Variants in SLC26A5 observed in about 807,000 individuals in gnomAD.
SLC26A5 encodes prestin.
SLC26A5 carries 51 observed loss-of-function variants against 81.0 expected under a neutral mutation model. The ratio of observed to expected loss-of-function variants is 0.63; its 90% confidence interval spans 0.50 to 0.80. SLC26A5 has a LOEUF of 0.80. SLC26A5 is among the 30% of genes least tolerant of loss of function. The pLI is 0.00. For synonymous variants in SLC26A5, 325 were observed against 332.8 expected, an observed-to-expected ratio of 0.98 and a Z score of 0.25; for missense variants, 771 against 905.8, an observed-to-expected ratio of 0.85 and a Z score of 1.91.
At chr7:103,372,172 TAACTA>T (rs1340734459), downstream of SLC26A5, among the ~76,000 whole-genome samples, 1 of 152,208 alleles carries the variant, frequency 6.6e-6, no homozygotes, top group Non-Finnish European at 1.5e-5. Flanking sequence ...GCAAAGGAAA[TAACTA>T]AGCCAATCTA....
Position 103,433,772 on chromosome 7 carries a change from G to A in SLC26A5, c.-54+9311C>T, listed in dbSNP as rs548108421. ...GGCTGGTGTGCAGTGATGCGATCTGGGCTCACTGCAAGCTCCATCTCCCGG... is the reference window on the plus strand; with the variant it reads ...GGCTGGTGTGCAGTGATGCGATCTGAGCTCACTGCAAGCTCCATCTCCCGG... On this transcript the variant is annotated intron_variant, in intron 2 of 19. Coordinates refer to ENST00000306312, the MANE Select transcript of SLC26A5 (RefSeq NM_198999.3). Among the ~76,000 whole-genome samples, 4 of 148,182 alleles carry A rather than the reference G, an allele frequency of 2.7e-5. No individual in the cohort carries two copies. The South Asian group carries it at 8.6e-4, about 32-fold the overall frequency.
intron 2 of SLC26A5, among the ~76,000 whole-genome samples, chr7:103,430,846 G>A (rs1235939178): frequency 6.6e-6 from 1 of 152,162 alleles, no homozygotes; most frequent in Non-Finnish European, 1.5e-5. Flanking sequence ...TTGCAGCCAT[G>A]GGCTCTTGTT....
intron 2 of SLC26A5, among the ~76,000 whole-genome samples, chr7:103,428,558 CTTTTTTTT>C (rs10592922): frequency 1.7e-5 from 2 of 118,088 alleles, no homozygotes; most frequent in African/African-American, 7.1e-5. Flanking sequence ...CCTGCCAGTA[CTTTTTTTT>C]TTTTTTTTTT....
intron 2 of SLC26A5, among the ~76,000 whole-genome samples, chr7:103,441,016 A>G (rs952247622): frequency 1.3e-5 from 2 of 152,236 alleles, no homozygotes; most frequent in African/African-American, 4.8e-5. Context: ...ATCAAGGGCC[A>G]TAAGCCCACA....
intron 14 of SLC26A5, among the ~76,000 whole-genome samples, chr7:103,385,110 A>G (rs1416684357): frequency 6.6e-6 from 1 of 152,162 alleles, no homozygotes. Context: ...TAACACATGC[A>G]AGTGCCTGAA....
At chr7:103,398,040 C>T (rs1823284986) in intron 8 of SLC26A5, 26 bp from the exon 9 acceptor site, 2 of 1,573,866 alleles carry the variant, frequency 1.3e-6, no homozygotes, top group Non-Finnish European at 1.7e-6. Flanking sequence ...TCCAAATGCA[C>T]CTTTAGAGAT....
intron 9 of SLC26A5, among the ~76,000 whole-genome samples, chr7:103,395,886 C>G (rs1254057761): frequency 6.6e-6 from 1 of 152,062 alleles, no homozygotes; most frequent in African/African-American, 2.4e-5. Flanking sequence ...TGGTTAGAAA[C>G]TAAAAACTCA....
At chr7:103,422,938 C>A (rs971349675) in intron 2 of SLC26A5, among the ~76,000 whole-genome samples, 1 of 151,852 alleles carries the variant, frequency 6.6e-6, no homozygotes, top group African/African-American at 2.4e-5. Context: ...AGTGAAAACT[C>A]AGGTTTTCAT....
intron 4 of SLC26A5, among the ~76,000 whole-genome samples, chr7:103,416,840 T>C (rs1824949116): frequency 6.6e-6 from 1 of 152,178 alleles, no homozygotes; most frequent in South Asian, 2.1e-4. Context: ...GATAAGAGCA[T>C]ACTTTCACTC....
At chr7:103,364,638 G>A (rs925465736) in intron 19 of SLC26A5, among the ~76,000 whole-genome samples, 1 of 152,078 alleles carries the variant, frequency 6.6e-6, no homozygotes, top group South Asian at 2.1e-4. Flanking sequence ...AAACTCCTGG[G>A]CTCAAGTGAT....
intron 3 of SLC26A5, among the ~76,000 whole-genome samples, chr7:103,421,092 T>C (rs1825310069): frequency 6.6e-6 from 1 of 151,990 alleles, no homozygotes; most frequent in Non-Finnish European, 1.5e-5. Context: ...ATTTTCAAGG[T>C]GGGTGGAGAA....
intron 12 of SLC26A5, among the ~76,000 whole-genome samples, chr7:103,389,874 C>T (rs899910157): frequency 5.3e-5 from 8 of 152,078 alleles, no homozygotes; most frequent in South Asian, 4.1e-4. Context: ...GTTATCTGCC[C>T]GCCTCAGCCT....
At chr7:103,416,072 T>C (rs1824886426) in intron 4 of SLC26A5, among the ~76,000 whole-genome samples, 1 of 152,234 alleles carries the variant, frequency 6.6e-6, no homozygotes, top group Non-Finnish European at 1.5e-5. Flanking sequence ...TATGAGCTCT[T>C]TCTTGTTCTC....
At chr7:103,357,910 C>T (rs183712491) in intron 19 of SLC26A5, among the ~76,000 whole-genome samples, 26 of 152,220 alleles carry the variant, frequency 1.7e-4, no homozygotes, top group Admixed American at 1.3e-3. Context: ...GGTGTTCTCT[C>T]GGTTTCATTT....
chr7:103,379,472 C>T (rs1821614961), intron 15 of SLC26A5, 137 bp from the exon 16 acceptor site: 5 of 475,942 alleles, frequency 1.1e-5, no homozygotes, highest in Non-Finnish European at 1.9e-5. Flanking sequence ...AAAATGATGT[C>T]ACACACAGAC....
intron 4 of SLC26A5, among the ~76,000 whole-genome samples, chr7:103,413,445 A>G (rs775755533): frequency 3.3e-5 from 5 of 152,138 alleles, no homozygotes; most frequent in African/African-American, 9.7e-5. Context: ...TCGTTCTCCA[A>G]TGGGGTGTTT....
At chr7:103,371,486 G>A (rs1287285596), downstream of SLC26A5, among the ~76,000 whole-genome samples, 12 of 150,148 alleles carry the variant, frequency 8.0e-5, no homozygotes, top group South Asian at 2.1e-4. Flanking sequence ...CACTACGCCC[G>A]GCTAATTTTT....
At chr7:103,371,449 C>T (rs1199585746), downstream of SLC26A5, among the ~76,000 whole-genome samples, 76 of 150,808 alleles carry the variant, frequency 5.0e-4, no homozygotes, top group Middle Eastern at 3.4e-3. Flanking sequence ...CTCAGCCTCC[C>T]GAGTAGCTGG....
intron 19 of SLC26A5, chr7:103,363,283 AAT>A: frequency 7.4e-7 from 1 of 1,352,464 alleles, no homozygotes; most frequent in South Asian, 1.2e-5. Flanking sequence ...TATTCTATTG[AAT>A]TTGGACAGTA....
Sources: allele counts gnomAD v4.1 joint callset (sites outside exome capture counted in the v4.1 genomes callset), GRCh38; gene constraint gnomAD v4.1.1; transcripts MANE v1.5; gene names NCBI Gene and HGNC (gene_info 2026-07-23, HGNC 2026-07-21).